The following WDR75 variants were observed in gnomAD, a reference collection of about 807,000 sequenced individuals.
The protein encoded by WDR75 is WD repeat-containing protein 75.
A neutral mutation model predicts 106.1 loss-of-function variants in WDR75; 52 were observed. That is an observed-to-expected ratio of 0.49 (90% CI 0.39 to 0.62). The LOEUF (loss-of-function observed/expected upper bound fraction) is 0.62, where lower values mean the gene tolerates loss of function less well. WDR75 is among the 20% of genes least tolerant of loss of function. WDR75 has a pLI of 0.00. For synonymous variants in WDR75, 333 were observed against 335.5 expected (o/e 0.99, Z 0.08); for missense variants, 905 against 970.3 (o/e 0.93, Z 0.89).
chr2:189,458,416 G>A (rs75762798), intron 6 of WDR75, among the ~76,000 whole-genome samples: 9,864 of 152,144 alleles, frequency 0.065, 495 homozygotes, highest in African/African-American at 0.14. Flanking sequence ...CTCATGCTAA[G>A]ATGTAGGTTC....
intron 13 of WDR75, among the ~76,000 whole-genome samples, chr2:189,467,093 C>T (rs1353587727): frequency 2.0e-5 from 3 of 151,824 alleles, no homozygotes; most frequent in Non-Finnish European, 4.4e-5. Context: ...AATCCAAGAC[C>T]CCCCCGCCCC....
intron 1 of WDR75, among the ~76,000 whole-genome samples, chr2:189,446,169 G>T (rs1302826413): frequency 6.6e-6 from 1 of 152,194 alleles, no homozygotes; most frequent in African/African-American, 2.4e-5. Flanking sequence ...TGAAAAAGTA[G>T]TTCAAGTTAG....
intron 16 of WDR75, among the ~76,000 whole-genome samples, chr2:189,469,659 T>C (rs955793043): frequency 3.3e-5 from 5 of 152,188 alleles, no homozygotes; most frequent in African/African-American, 1.2e-4. Flanking sequence ...AGCCAATTCG[T>C]ACTCAATCTT....
rs1481937860 is a variant in WDR75, at chr2:189,470,154, T to G, written c.1898T>G (p.Val633Gly). The change falls in exon 17 of 21, where the codon GTG (valine) becomes GGG (glycine). Residue 633 changes from valine (V) to glycine (G), a missense_variant. Physicochemically the swap from Val to Gly is moderately radical, Grantham distance 109. Coordinates refer to ENST00000314761, the MANE Select transcript of WDR75 (RefSeq NM_032168.3). Reference sequence around the variant, plus strand: ...TCCAGAGAGAAAGTCCAGTGGGGAGTGTTTGTTCCACGAGATGTCCCTGAA... The same window carrying G: ...TCCAGAGAGAAAGTCCAGTGGGGAGGGTTTGTTCCACGAGATGTCCCTGAA... ...GISREKVQWG[V>G]FVPRDVPESF... 12 of 1,613,118 alleles carry G rather than the reference T, an allele frequency of 7.4e-6. No individual in the cohort carries two copies. Among genetic ancestry groups the G allele is most frequent in the Non-Finnish European group, 9.3e-6 (11 of 1,179,552 alleles).
At chr2:189,469,846 T>C (rs898481471) in intron 16 of WDR75, among the ~76,000 whole-genome samples, 1 of 152,192 alleles carries the variant, frequency 6.6e-6, no homozygotes, top group African/African-American at 2.4e-5. Flanking sequence ...CCCTGGCCTC[T>C]GGAGCACGAA....
chr2:189,453,005 A>G (rs1170983012), intron 4 of WDR75, among the ~76,000 whole-genome samples: 2 of 152,206 alleles, frequency 1.3e-5, no homozygotes, highest in African/African-American at 2.4e-5. Context: ...CTAAAAAGAC[A>G]AAAAGAAAGA....
At chr2:189,469,202 A>G in intron 15 of WDR75, 142 bp from the exon 16 acceptor site, 2 of 692,176 alleles carry the variant, frequency 2.9e-6, no homozygotes, top group Non-Finnish European at 5.1e-6. Flanking sequence ...ACTTTAGTGC[A>G]GCATTCTACA....
At chr2:189,459,517 G>A (rs1574196669) in intron 8 of WDR75, 93 bp downstream of exon 8, 2 of 1,202,378 alleles carry the variant, frequency 1.7e-6, no homozygotes, top group East Asian at 4.8e-5. Flanking sequence ...ATTTAAAACT[G>A]CATGAGCCAA....
chr2:189,468,178 G>A (rs964753548), intron 14 of WDR75, among the ~76,000 whole-genome samples: 1 of 152,036 alleles, frequency 6.6e-6, no homozygotes, highest in African/African-American at 2.4e-5. Flanking sequence ...TGGTAAATAG[G>A]ATTTTTGTCA....
At chr2:189,457,589 G>T (rs1686766675) in intron 6 of WDR75, among the ~76,000 whole-genome samples, 1 of 151,094 alleles carries the variant, frequency 6.6e-6, no homozygotes, top group Non-Finnish European at 1.5e-5. Flanking sequence ...GCTTTTTCCA[G>T]TCAAAAGCCC....
At chr2:189,450,115 CACAAA>C (rs1686585409) in intron 2 of WDR75, 14 of 954,534 alleles carry the variant, frequency 1.5e-5, no homozygotes, top group Admixed American at 6.2e-5. Flanking sequence ...ATGTGAGTGT[CACAAA>C]ACACTTTGAC....
chr2:189,459,304 G>T (rs1379791053), intron 7 of WDR75, 32 bp from the exon 8 acceptor site: 17 of 1,535,904 alleles, frequency 1.1e-5, no homozygotes, highest in Non-Finnish European at 1.5e-5. Flanking sequence ...TAAACCTATG[G>T]TCAAAATAAG....
chr2:189,469,880 C>T lies in WDR75; in HGVS notation c.1820-196C>T, dbSNP rs1472470912. Among the ~76,000 whole-genome samples the T allele has an allele frequency of 2.6e-5, 4 of 152,142 alleles. No individual in the cohort carries two copies. In the East Asian group the frequency reaches 7.7e-4, roughly 29 times the overall value. On this transcript the variant is annotated intron_variant, in intron 16 of 20. Transcript: ENST00000314761. Reference sequence around the variant, plus strand: ...AATTCTTCTTTCTGTTTTTCATCCTCATAGCCCTCATTCCTAACCTGCCTG... The same window carrying T: ...AATTCTTCTTTCTGTTTTTCATCCTTATAGCCCTCATTCCTAACCTGCCTG...
intron 4 of WDR75, among the ~76,000 whole-genome samples, chr2:189,454,211 A>G (rs1686686200): frequency 6.6e-6 from 1 of 152,214 alleles, no homozygotes; most frequent in Non-Finnish European, 1.5e-5. Flanking sequence ...GAAGTGAGCC[A>G]GTGGAGAATA....
intron 1 of WDR75, among the ~76,000 whole-genome samples, chr2:189,447,402 T>G (rs781276333): frequency 6.6e-6 from 1 of 152,166 alleles, no homozygotes; most frequent in Non-Finnish European, 1.5e-5. Flanking sequence ...TGGAATAAAG[T>G]CTTTGTATTT....
chr2:189,462,275 C>G (rs892796582), intron 8 of WDR75, among the ~76,000 whole-genome samples: 12 of 152,072 alleles, frequency 7.9e-5, no homozygotes, highest in African/African-American at 2.7e-4. Flanking sequence ...TGGTCAGCAA[C>G]AAACTAATCA....
intron 6 of WDR75, 88 bp from the exon 7 acceptor site, chr2:189,458,665 A>G (rs890967498): frequency 6.7e-6 from 8 of 1,202,176 alleles, no homozygotes; most frequent in South Asian, 2.3e-5. Context: ...TTTGGTTGCT[A>G]TTGCTGGGAA....
chr2:189,448,342 A>T (rs1374409153), intron 1 of WDR75, 37 bp from the exon 2 acceptor site: 9 of 1,598,496 alleles, frequency 5.6e-6, no homozygotes, highest in Non-Finnish European at 7.7e-6. Context: ...AGGCTAATAC[A>T]GTATGTAAAA....
Position 189,473,302 on chromosome 2 carries a change from A to C in WDR75, c.2050-884A>C, listed in dbSNP as rs542046428. Among the ~76,000 whole-genome samples, 8 of 152,312 alleles carry C rather than the reference A, an allele frequency of 5.3e-5. No homozygotes were observed. In the South Asian group the frequency reaches 1.7e-3, roughly 32 times the overall value. ...CACAAAGGTCTTCATCCTCATCTTC[A>C]CATAGAGTAGGCTAAGGAAGAGAAG... On this transcript the variant is annotated intron_variant, in intron 18 of 20. Coordinates refer to ENST00000314761, the MANE Select transcript of WDR75 (RefSeq NM_032168.3).
Sources: gnomAD v4.1 joint callset for allele counts (sites outside exome capture counted in the v4.1 genomes callset) on GRCh38, gnomAD v4.1.1 for gene constraint, MANE v1.5 for transcripts, NCBI Gene and HGNC (gene_info 2026-07-23, HGNC 2026-07-21) for gene names.